Variants in PLG observed in about 807,000 individuals in gnomAD.
PLG encodes plasmin.
A neutral mutation model predicts 104.4 loss-of-function variants in PLG; 41 were observed. That is an observed-to-expected ratio of 0.39 (90% CI 0.31 to 0.51). The LOEUF (loss-of-function observed/expected upper bound fraction) is 0.51, where lower values mean the gene tolerates loss of function less well. Among genes scored for constraint, PLG ranks in the 20% least tolerant of loss-of-function variants. The pLI is 0.76. For synonymous variants in PLG, 337 were observed against 357.1 expected, an observed-to-expected ratio of 0.94 and a Z score of 0.63; for missense variants, 891 against 1,003.6, an observed-to-expected ratio of 0.89 and a Z score of 1.52.
At chr6:160,747,278 C>T (rs11961602) in intron 17 of PLG, among the ~76,000 whole-genome samples, 3,060 of 152,284 alleles carry the variant, frequency 0.02, 123 homozygotes, top group African/African-American at 0.07. Flanking sequence ...AGAGGGAACA[C>T]TTGTGCAGGA....
At position 160,732,069 on chromosome 6, in the gene PLG, A is replaced by G. The variant is rs1478712519; in HGVS notation, c.1587+176A>G. Among the ~76,000 whole-genome samples the G allele has an allele frequency of 1.3e-5, 2 of 152,164 alleles. No homozygotes were observed. Among genetic ancestry groups the G allele is most frequent in the Non-Finnish European group, 2.9e-5 (2 of 68,030 alleles). ...GCTAAGCTAGAATATAATTGGCCTT[A>G]GTATGGAAAGTACAAGCAGCACAGG... On this transcript the variant is annotated intron_variant, in intron 12 of 18. Transcript: ENST00000308192. The surrounding 1 kb of genome is among the most constrained non-coding windows in gnomAD (Gnocchi z 4.5).
Position 160,752,267 on chromosome 6 carries a change from A to G in PLG, c.2271+7A>G. On this transcript the variant is annotated splice_region_variant and intron_variant, in intron 18 of 18. Coordinates refer to ENST00000308192, the MANE Select transcript of PLG (RefSeq NM_000301.5). This position sits in a 1 kb window ranked among gnomAD's most constrained non-coding sequence, Gnocchi z 4.7. ...AGGCACTGACAGTTGCCAGGTAAGCAAAGATCAAGAGACCAAAGTTAGTCT... is the reference window on the plus strand; with the variant it reads ...AGGCACTGACAGTTGCCAGGTAAGCGAAGATCAAGAGACCAAAGTTAGTCT... The G allele has an allele frequency of 6.2e-7, 1 of 1,613,550 alleles. No homozygotes were observed. The highest frequency in any genetic ancestry group is 1.1e-5 in the South Asian group (1 of 91,054).
At chr6:160,722,358 T>C in intron 9 of PLG, 50 bp from the exon 10 acceptor site, 1 of 1,435,926 alleles carries the variant, frequency 7.0e-7, no homozygotes, top group African/African-American at 1.4e-5. Flanking sequence ...GCTTCATGCT[T>C]CTTTTTTTTC....
intron 7 of PLG, 88 bp from the exon 8 acceptor site, chr6:160,718,206 C>G: frequency 8.9e-7 from 1 of 1,125,864 alleles, no homozygotes; most frequent in Non-Finnish European, 1.3e-6. Context: ...GAGCTGAGAT[C>G]GTGCCACTGA....
rs1228812146 is a variant in PLG, at chr6:160,739,897, T to C, written c.2018+689T>C. 6.6e-6 allele frequency among the ~76,000 whole-genome samples: 1 copy of C among 152,226 alleles called. No homozygotes were observed. Among genetic ancestry groups the C allele is most frequent in the Non-Finnish European group, 1.5e-5 (1 of 68,038 alleles). ...TTCTTTGATTTGATTTTCTCTTTCC[T>C]GTTGAAATGTTGTTTCACTAAGCCT... On this transcript the variant is annotated intron_variant, in intron 16 of 18. Coordinates refer to ENST00000308192, the MANE Select transcript of PLG (RefSeq NM_000301.5). The surrounding 1 kb of genome is among the most constrained non-coding windows in gnomAD (Gnocchi z 4.4).
intron 17 of PLG, among the ~76,000 whole-genome samples, chr6:160,745,777 A>G (rs1778267382): frequency 6.6e-6 from 1 of 152,194 alleles, no homozygotes; most frequent in African/African-American, 2.4e-5. Flanking sequence ...GCTGGTAGCC[A>G]TCTTGCTATA....
At chr6:160,716,066 TG>T (rs1399279753) in intron 6 of PLG, among the ~76,000 whole-genome samples, 5 of 152,226 alleles carry the variant, frequency 3.3e-5, no homozygotes, top group Non-Finnish European at 5.9e-5. Context: ...TCAAGGCTGG[TG>T]GGAGCAGAGC....
At chr6:160,708,284 C>A (rs2115152814) in intron 3 of PLG, 1 of 154,512 alleles carries the variant, frequency 6.5e-6, no homozygotes, top group South Asian at 2.0e-4. Context: ...AAATTTTTCA[C>A]ATTTTGGGGG....
chr6:160,722,353 A>G (rs1018142719), intron 9 of PLG, 55 bp from the exon 10 acceptor site: 1 of 1,372,218 alleles, frequency 7.3e-7, no homozygotes, highest in African/African-American at 1.4e-5. Context: ...AAATTGCTTC[A>G]TGCTTCTTTT....
At position 160,752,301 on chromosome 6, in the gene PLG, CTT is replaced by C. The variant is rs748141726; in HGVS notation, c.2271+42_2271+43del. 7.5e-6 allele frequency: 12 copies of C among 1,592,660 alleles called. No individual in the cohort carries two copies. Among genetic ancestry groups the C allele is most frequent in the Non-Finnish European group, 9.5e-6 (11 of 1,160,684 alleles). On this transcript the variant is annotated intron_variant, in intron 18 of 18. Transcript: ENST00000308192. The surrounding 1 kb of genome is among the most constrained non-coding windows in gnomAD (Gnocchi z 4.7). The stretch of plus-strand genomic sequence containing the variant: ...GAGACCAAAGTTAGTCTTGTGCTCT[CTT>C]GTCTCAGTCTCAGCCCCTCAGACTT...
Position 160,737,452 on chromosome 6 carries a change from C to CT in PLG, c.1802+448dup, listed in dbSNP as rs1252074820. On this transcript the variant is annotated intron_variant, in intron 14 of 18. Transcript: ENST00000308192. The surrounding 1 kb of genome is among the most constrained non-coding windows in gnomAD (Gnocchi z 4.7). The stretch of plus-strand genomic sequence containing the variant: ...GGCACAGATTCTTTTTCTTTGGACA[C>CT]TTTCGTGAATCATTGAATTCAATGC... Among the ~76,000 whole-genome samples, 1 of 152,204 alleles carries CT rather than the reference C, an allele frequency of 6.6e-6. No homozygotes were observed. Among genetic ancestry groups the CT allele is most frequent in the Admixed American group, 6.5e-5 (1 of 15,286 alleles).
chr6:160,724,531 T>C lies in PLG; in HGVS notation c.1256+1964T>C, dbSNP rs1254302929. ...AAGTCACAAGAGAGGAAAGAGATAT[T>C]GGGACAGAAAAAAATACTTGAAGCA... On this transcript the variant is annotated intron_variant, in intron 10 of 18. Coordinates refer to ENST00000308192, the MANE Select transcript of PLG (RefSeq NM_000301.5). The surrounding 1 kb of genome is among the most constrained non-coding windows in gnomAD (Gnocchi z 5.0). 1.3e-5 allele frequency among the ~76,000 whole-genome samples: 2 copies of C among 152,028 alleles called. No individual in the cohort carries two copies. The highest frequency in any genetic ancestry group is 2.9e-5 in the Non-Finnish European group (2 of 67,992).
intron 3 of PLG, among the ~76,000 whole-genome samples, chr6:160,710,669 G>T (rs141132124): frequency 8.9e-4 from 135 of 152,280 alleles, no homozygotes; most frequent in African/African-American, 3.0e-3. Context: ...CATCTAAAAA[G>T]CCCTTTCCCC....
chr6:160,752,246 A>C lies in PLG; in HGVS notation c.2257A>C (p.Thr753Pro). 1 of 1,614,098 alleles carries C rather than the reference A, an allele frequency of 6.2e-7. No homozygotes were observed. Among genetic ancestry groups the C allele is most frequent in the Non-Finnish European group, 8.5e-7 (1 of 1,179,948 alleles). Residue 753 changes from threonine (T) to proline (P), a missense_variant, in exon 18 of 19, where the codon ACT (threonine) becomes CCT (proline). This residue lies in a region of PLG where 854 missense variants were observed against 932.1 expected (regional missense o/e 0.92). Transcript: ENST00000308192. This position sits in a 1 kb window ranked among gnomAD's most constrained non-coding sequence, Gnocchi z 4.7. Reference protein sequence around the residue: ...ELCAGHLAGGTDSCQGDSGGP... With the variant: ...ELCAGHLAGGPDSCQGDSGGP... ...CTGTGCTGGGCATTTGGCCGGAGGC[A>C]CTGACAGTTGCCAGGTAAGCAAAGA...
In PLG at chr6:160,733,977, A is replaced by G. The variant is rs1324906439; in HGVS notation, c.1588-18A>G. The G allele has an allele frequency of 3.4e-6, 5 of 1,450,468 alleles. No homozygotes were observed. The highest frequency in any genetic ancestry group is 2.3e-5 in the East Asian group (1 of 43,958). 89.8% of individuals were successfully genotyped at this position (1,450,468 alleles called of 1,614,324 possible). ...CTGCCCCACGTGAGCTGGAGCTTAC[A>G]TGCCTTCTTGTTTTCAGTACTGCCG... On this transcript the variant is annotated intron_variant, in intron 12 of 18. Coordinates refer to ENST00000308192, the MANE Select transcript of PLG (RefSeq NM_000301.5).
chr6:160,730,132 A>AG lies in PLG; in HGVS notation c.1257-914dup, dbSNP rs377076151. The stretch of plus-strand genomic sequence containing the variant: ...TGGAGCAACATTCTTGGGAGGCATG[A>AG]GGGGGAGCACATTCTCCAAGATCCC... On this transcript the variant is annotated intron_variant, in intron 10 of 18. Transcript: ENST00000308192. 5.1e-4 allele frequency among the ~76,000 whole-genome samples: 77 copies of AG among 152,316 alleles called. 1 individual carries two copies. The highest frequency in any genetic ancestry group is 1.8e-3 in the African/African-American group (74 of 41,580).
chr6:160,738,027 C>T lies in PLG; in HGVS notation c.1803-511C>T, dbSNP rs1277584575. On this transcript the variant is annotated intron_variant, in intron 14 of 18. Transcript: ENST00000308192. This position sits in a 1 kb window ranked among gnomAD's most constrained non-coding sequence, Gnocchi z 6.8. ...CTGAGCTATTACCTGCCTACGCAGT[C>T]CTAGAAAGTAAGTGATTCAGGAAAC... Among the ~76,000 whole-genome samples, 1 of 152,158 alleles carries T rather than the reference C, an allele frequency of 6.6e-6. No individual in the cohort carries two copies.
At chr6:160,733,846 G>GAAAAAAAAAA (rs10540264) in intron 12 of PLG, 149 bp from the exon 13 acceptor site, 4 of 349,854 alleles carry the variant, frequency 1.1e-5, no homozygotes, top group African/African-American at 8.8e-5. Context: ...CTCCACCTCA[G>GAAAAAAAAAA]AAAAAAAAAA....
Position 160,739,186 on chromosome 6 carries a change from A to G in PLG, c.1996A>G (p.Ile666Val). ...GTTCTTGGAGCCCACACGAAAAGAT[A>G]TTGCCTTGCTAAAGCTAAGCAGGTA... The part of the protein sequence containing the change: ...RLFLEPTRKD[I>V]ALLKLSSPAV... The change falls in exon 16 of 19, where the codon ATT becomes GTT. Residue 666 changes from isoleucine (I) to valine (V), a missense_variant. Ile to Val is a conservative substitution (Grantham distance 29). Transcript: ENST00000308192. This position sits in a 1 kb window ranked among gnomAD's most constrained non-coding sequence, Gnocchi z 4.4. 1 of 1,614,176 alleles carries G rather than the reference A, an allele frequency of 6.2e-7. No homozygotes were observed. The highest frequency in any genetic ancestry group is 8.5e-7 in the Non-Finnish European group (1 of 1,180,036).
Sources: allele counts gnomAD v4.1 joint callset (sites outside exome capture counted in the v4.1 genomes callset), GRCh38; gene constraint gnomAD v4.1.1; regional missense constraint gnomAD v4.1.1; non-coding constraint Gnocchi (gnomAD v3.1); transcripts MANE v1.5; gene names NCBI Gene and HGNC (gene_info 2026-07-23, HGNC 2026-07-21).